MAP9: variants seen among roughly 807,000 people sequenced by gnomAD.
The protein encoded by MAP9 is microtubule associated protein 9, also known as microtubule-associated protein 9.
A neutral mutation model predicts 75.2 loss-of-function variants in MAP9; 80 were observed. That is an observed-to-expected ratio of 1.06 (90% CI 0.89 to 1.28). The LOEUF is 1.28. MAP9 is among the 50% of genes most tolerant of loss of function. The pLI, the probability that MAP9 is intolerant of heterozygous loss-of-function variation, is 0.00. For missense variants in MAP9, 753 were observed against 719.9 expected (o/e 1.05, Z -0.53); for synonymous variants, 235 against 237.3 (o/e 0.99, Z 0.09).
At chr4:155,353,365 G>T in intron 10 of MAP9, 25 bp from the exon 11 acceptor site, 2 of 1,524,836 alleles carry the variant, frequency 1.3e-6, no homozygotes, top group Non-Finnish European at 8.7e-7. Flanking sequence ...ATAATAGAGT[G>T]ATATACATAT....
rs1268984984 is a variant in MAP9, at chr4:155,352,730, T to C, written c.1689-2A>G. 4 of 1,546,030 alleles carry C rather than the reference T, an allele frequency of 2.6e-6. No individual in the cohort carries two copies. The highest frequency in any genetic ancestry group is 3.5e-6 in the Non-Finnish European group (4 of 1,139,108). ...AAAAAAGCTTCCTTTTTTTCATTCC[T>C]ATAGAGCATAGTATAAAACACTGGA... On this transcript the variant is annotated splice_acceptor_variant, in intron 12 of 13. Transcript: ENST00000311277. LOFTEE classifies it high-confidence loss of function.
Position 155,375,777 on chromosome 4 carries a change from T to C in MAP9, c.74A>G (p.Gln25Arg). ...SPKVTKRTTF[Q>R]DELIRAITAR... ...TGATTCCAAATAAAAATACTTTACC[T>C]GGAAAGTAGTTCTTTTGGTAACTTT... Residue 25 changes from glutamine (Q) to arginine (R), a missense_variant and splice_region_variant, in exon 2 of 14, where the codon CAG (glutamine) becomes CGG (arginine). Physicochemically the swap from Gln to Arg is conservative, Grantham distance 43. Coordinates refer to ENST00000311277, the MANE Select transcript of MAP9 (RefSeq NM_001039580.2). The C allele has an allele frequency of 1.3e-6, 2 of 1,589,800 alleles. No individual in the cohort carries two copies. Among genetic ancestry groups the C allele is most frequent in the Non-Finnish European group, 1.7e-6 (2 of 1,159,850 alleles).
chr4:155,370,936 C>T (rs1196959521), intron 4 of MAP9, among the ~76,000 whole-genome samples: 1 of 152,108 alleles, frequency 6.6e-6, no homozygotes, highest in East Asian at 1.9e-4. Context: ...AGGCAGGCAA[C>T]TATTATCCCG....
chr4:155,371,554 G>A (rs188405087), intron 4 of MAP9, among the ~76,000 whole-genome samples: 14 of 151,722 alleles, frequency 9.2e-5, no homozygotes, highest in Non-Finnish European at 1.5e-4. Context: ...TAAGAAAAGC[G>A]CTTTTTTTGG....
chr4:155,369,676 T>C (rs1732510394), intron 4 of MAP9, among the ~76,000 whole-genome samples: 1 of 152,160 alleles, frequency 6.6e-6, no homozygotes, highest in African/African-American at 2.4e-5. Context: ...ATAAGTGCTA[T>C]TATAAGGACA....
In MAP9 at chr4:155,360,253, A is replaced by T; in HGVS notation, c.965T>A (p.Ile322Asn). The stretch of plus-strand genomic sequence containing the variant: ...ATCAACTGTTCTGTCATCATCCATA[A>T]TCAGTTCCGCTTTTGCCTTTTCTTC... Reference protein sequence around the residue: ...LEEEKAKAELIMDDDRTVDPL... With the variant: ...LEEEKAKAELNMDDDRTVDPL... Residue 322 changes from isoleucine (I) to asparagine (N), a missense_variant, in exon 7 of 14, where the codon ATT becomes AAT. By Grantham distance (149) the Ile-to-Asn change is moderately radical. Transcript: ENST00000311277. 1 of 1,613,224 alleles carries T rather than the reference A, an allele frequency of 6.2e-7. No homozygotes were observed. The highest frequency in any genetic ancestry group is 8.5e-7 in the Non-Finnish European group (1 of 1,179,394).
At position 155,343,221 on chromosome 4, in the gene MAP9, T is replaced by C. The variant is rs745858041; in HGVS notation, c.*4562A>G. On this transcript the variant is annotated 3_prime_UTR_variant, in exon 14 of 14. Transcript: ENST00000311277. ...TATTATGTACATCATTATATATATA[T>C]GCATACATATTTGTATATACACACA... 6.0e-5 allele frequency: 9 copies of C among 150,958 alleles called. No homozygotes were observed. The highest frequency in any genetic ancestry group is 1.0e-4 in the Non-Finnish European group (7 of 67,686). 9.4% of individuals were successfully genotyped at this position (150,958 alleles called of 1,614,324 possible).
Position 155,360,310 on chromosome 4 carries a change from T to C in MAP9, c.908A>G (p.Lys303Arg), listed in dbSNP as rs1425308892. Residue 303 changes from lysine to arginine, a missense_variant, in exon 7 of 14, where the codon AAG becomes AGG. By Grantham distance (26) the Lys-to-Arg change is conservative. Transcript: ENST00000311277. ...GTCATCAGCAGTCACTTGACTTTCC[T>C]TGGATTTCTCAACTGCAGTAGTCAC... Reference protein sequence around the residue: ...DHVTTAVEKSKESQVTADDLE... With the variant: ...DHVTTAVEKSRESQVTADDLE... The C allele has an allele frequency of 6.2e-7, 1 of 1,613,136 alleles. No homozygotes were observed. Among genetic ancestry groups the C allele is most frequent in the Non-Finnish European group, 8.5e-7 (1 of 1,179,434 alleles).
rs1038137797 is a variant in MAP9, at chr4:155,344,532, A to G, written c.*3251T>C. 3.0e-4 allele frequency: 46 copies of G among 152,010 alleles called. No homozygotes were observed. The highest frequency in any genetic ancestry group is 1.0e-3 in the African/African-American group (42 of 41,456). The allele number at this position is 152,010 out of a possible 1,614,324, so 9.4% of individuals were successfully genotyped here. ...GCATAGTTCTATAACTCTAAGGAAC[A>G]TAAGACTGTGGATACCTATCTACTG... On this transcript the variant is annotated 3_prime_UTR_variant, in exon 14 of 14. Transcript: ENST00000311277.
At position 155,375,147 on chromosome 4, in the gene MAP9, A is replaced by G. The variant is rs2111298646; in HGVS notation, c.76-126T>C. 3 of 634,662 alleles carry G rather than the reference A, an allele frequency of 4.7e-6. No individual in the cohort carries two copies. In the South Asian group the frequency reaches 7.1e-5, roughly 15 times the overall value. The allele number at this position is 634,662 out of a possible 1,614,324, so 39.3% of individuals were successfully genotyped here. On this transcript the variant is annotated intron_variant, in intron 2 of 13. Coordinates refer to ENST00000311277, the MANE Select transcript of MAP9 (RefSeq NM_001039580.2). Reference sequence around the variant, plus strand: ...AACTTAGGTTTCATTCATCTAACAAATATTTCCTGCAAGCTCACTTTATGC... The same window carrying G: ...AACTTAGGTTTCATTCATCTAACAAGTATTTCCTGCAAGCTCACTTTATGC...
At chr4:155,350,473 C>A (rs1362564827) in intron 13 of MAP9, among the ~76,000 whole-genome samples, 1 of 151,972 alleles carries the variant, frequency 6.6e-6, no homozygotes, top group Non-Finnish European at 1.5e-5. Context: ...TAAAGAAATT[C>A]TATTCCATTT....
intron 7 of MAP9, among the ~76,000 whole-genome samples, chr4:155,359,934 A>G (rs915221223): frequency 2.0e-5 from 3 of 152,114 alleles, no homozygotes; most frequent in African/African-American, 7.2e-5. Flanking sequence ...GTATATTATG[A>G]TCACACACCT....
chr4:155,358,429 A>T (rs1731903793), intron 7 of MAP9, among the ~76,000 whole-genome samples: 1 of 152,096 alleles, frequency 6.6e-6, no homozygotes, highest in African/African-American at 2.4e-5. Context: ...GGCTTAATGA[A>T]CCTCCTTCAT....
At chr4:155,376,249 C>T (rs1015745375) in intron 1 of MAP9, 6 of 155,620 alleles carry the variant, frequency 3.9e-5, no homozygotes, top group African/African-American at 1.4e-4. Flanking sequence ...CAAAATAAGT[C>T]ACGTCTTATT....
Position 155,359,529 on chromosome 4 carries a change from A to G in MAP9, c.1050+639T>C, listed in dbSNP as rs571582958. ...TAAAAGTCTGACTTTACCACTACAC[A>G]ATATATCCATGTAACAAAAAAGCAC... is the stretch of plus-strand genomic sequence containing the variant. On this transcript the variant is annotated intron_variant, in intron 7 of 13. Transcript: ENST00000311277. Among the ~76,000 whole-genome samples, 24 of 152,182 alleles carry G rather than the reference A, an allele frequency of 1.6e-4. No individual in the cohort carries two copies. The South Asian group carries it at 5.0e-3, about 32-fold the overall frequency.
chr4:155,369,287 C>G (rs1732481293), intron 4 of MAP9, among the ~76,000 whole-genome samples: 1 of 147,936 alleles, frequency 6.8e-6, no homozygotes, highest in Non-Finnish European at 1.5e-5. Context: ...CGAGATCACA[C>G]CACTGCACTC....
At chr4:155,356,371 G>C (rs1731788537) in intron 8 of MAP9, among the ~76,000 whole-genome samples, 1 of 151,964 alleles carries the variant, frequency 6.6e-6, no homozygotes, top group Non-Finnish European at 1.5e-5. Context: ...ATTAAATTAT[G>C]TAGAAGGGGA....
chr4:155,355,674 AGTG>A (rs1200354550), intron 9 of MAP9, 39 bp downstream of exon 9: 3 of 1,479,648 alleles, frequency 2.0e-6, no homozygotes, highest in Non-Finnish European at 2.8e-6. Context: ...GGCTTATGAA[AGTG>A]ATCATTCTTC....
rs1287732276 is a variant in MAP9 at position 155,344,396 on chromosome 4, A to G, written c.*3387T>C. Reference sequence around the variant, plus strand: ...TGAGATCTAACTCTAGATGTACCATAGTTAGTTGTATGAGATTGGACAAGT... The same window carrying G: ...TGAGATCTAACTCTAGATGTACCATGGTTAGTTGTATGAGATTGGACAAGT... On this transcript the variant is annotated 3_prime_UTR_variant, in exon 14 of 14. Transcript: ENST00000311277. The G allele has an allele frequency of 6.6e-6, 1 of 152,028 alleles. No homozygotes were observed. The highest frequency in any genetic ancestry group is 6.6e-5 in the Admixed American group (1 of 15,242). The allele number at this position is 152,028 out of a possible 1,614,324, so 9.4% of individuals were successfully genotyped here.
Sources: gnomAD v4.1 joint callset for allele counts (sites outside exome capture counted in the v4.1 genomes callset) on GRCh38, gnomAD v4.1.1 for gene constraint, MANE v1.5 for transcripts, NCBI Gene and HGNC (gene_info 2026-07-23, HGNC 2026-07-21) for gene names.